The following ZNF385B variants were observed in gnomAD, a reference collection of about 807,000 sequenced individuals.
ZNF385B encodes zinc finger protein 385B.
Under a neutral mutation model 39.2 loss-of-function variants are expected in ZNF385B, and 23 were observed. The ratio of observed to expected loss-of-function variants is 0.59; its 90% CI spans 0.42 to 0.83. ZNF385B has a LOEUF of 0.83. Among genes scored for constraint, ZNF385B ranks in the 40% least tolerant of loss-of-function variants. The probability of loss-of-function intolerance (pLI) is 0.00; values close to 1 mark genes in which losing one functional copy is unlikely to be tolerated. For missense variants in ZNF385B, 552 were observed against 598.9 expected (o/e 0.92, Z 0.82); for synonymous variants, 205 against 222.6 (o/e 0.92, Z 0.70).
chr2:179,696,710 A>C (rs558282589), intron 3 of ZNF385B, among the ~76,000 whole-genome samples: 1 of 152,232 alleles, frequency 6.6e-6, no homozygotes, highest in East Asian at 1.9e-4. Context: ...CTTTTCAAGA[A>C]CTTTGCATTT....
chr2:179,540,575 T>C (rs2059858106), intron 4 of ZNF385B, among the ~76,000 whole-genome samples: 1 of 152,142 alleles, frequency 6.6e-6, no homozygotes. Context: ...AAGGGACTCA[T>C]AAATGTTATT....
chr2:179,732,473 A>T (rs1575374790), intron 3 of ZNF385B, among the ~76,000 whole-genome samples: 1 of 152,332 alleles, frequency 6.6e-6, no homozygotes, highest in Non-Finnish European at 1.5e-5. Context: ...AGTCCAGCCA[A>T]TTTGGACCAA....
At chr2:179,638,828 GAAAC>G (rs1340074843) in intron 3 of ZNF385B, among the ~76,000 whole-genome samples, 1 of 152,108 alleles carries the variant, frequency 6.6e-6, no homozygotes, top group Non-Finnish European at 1.5e-5. Flanking sequence ...AAGTTGAAAA[GAAAC>G]AAGCCAACTC....
chr2:179,520,032 T>C (rs1407278408), intron 4 of ZNF385B, among the ~76,000 whole-genome samples: 2 of 152,150 alleles, frequency 1.3e-5, no homozygotes, highest in African/African-American at 4.8e-5. Flanking sequence ...TTTGGGACAC[T>C]TAAAAATTTT....
Position 179,545,700 on chromosome 2 carries a change from C to T in ZNF385B, c.299-731G>A, listed in dbSNP as rs1462191853. ...TTATTGTAGCAAATATCCTTTTTAG[C>T]AGTTAAATTAACTGTCACCTCTATT... On this transcript the variant is annotated intron_variant, in intron 3 of 9. Transcript: ENST00000410066. 2.0e-5 allele frequency among the ~76,000 whole-genome samples: 3 copies of T among 152,238 alleles called. No homozygotes were observed. In the South Asian group the frequency reaches 6.2e-4, roughly 32 times the overall value.
intron 3 of ZNF385B, among the ~76,000 whole-genome samples, chr2:179,762,878 G>A (rs1279862311): frequency 6.6e-6 from 1 of 152,004 alleles, no homozygotes; most frequent in East Asian, 1.9e-4. Context: ...ATGGCTATAG[G>A]CCTATTCAGA....
intron 3 of ZNF385B, among the ~76,000 whole-genome samples, chr2:179,652,371 T>C (rs982435691): frequency 6.6e-6 from 1 of 152,188 alleles, no homozygotes; most frequent in Non-Finnish European, 1.5e-5. Flanking sequence ...GTGTTAACAC[T>C]GTGACTGAAT....
At chr2:179,788,118 A>T (rs920194002) in intron 1 of ZNF385B, among the ~76,000 whole-genome samples, 2 of 152,138 alleles carry the variant, frequency 1.3e-5, no homozygotes, top group Admixed American at 6.6e-5. Context: ...CACTAACGTG[A>T]TTTTCATTCT....
intron 1 of ZNF385B, among the ~76,000 whole-genome samples, chr2:179,791,970 C>A (rs954917094): frequency 1.1e-4 from 17 of 152,268 alleles, no homozygotes; most frequent in Non-Finnish European, 1.8e-4. Context: ...CCATGTTGGC[C>A]AGGCTGGTCT....
chr2:179,606,714 C>A (rs770128280), intron 3 of ZNF385B, among the ~76,000 whole-genome samples: 1 of 151,966 alleles, frequency 6.6e-6, no homozygotes, highest in African/African-American at 2.4e-5. Context: ...ATTATAAAAG[C>A]AGTACAGCTT....
chr2:179,826,874 T>C (rs1021724300), intron 1 of ZNF385B, among the ~76,000 whole-genome samples: 7 of 152,158 alleles, frequency 4.6e-5, no homozygotes, highest in African/African-American at 7.2e-5. Flanking sequence ...CCAGTTGACT[T>C]TGGTGTCTGT....
chr2:179,699,455 A>G (rs929834548), intron 3 of ZNF385B, among the ~76,000 whole-genome samples: 2 of 152,246 alleles, frequency 1.3e-5, no homozygotes, highest in Non-Finnish European at 2.9e-5. Context: ...CTAGTGACAC[A>G]CGCCATTTGT....
chr2:179,444,738 CT>C, intron 9 of ZNF385B, 137 bp downstream of exon 9: 1 of 735,656 alleles, frequency 1.4e-6, no homozygotes, highest in Non-Finnish European at 2.4e-6. Context: ...GCAGTTCATT[CT>C]AAAACTTCTG....
At chr2:179,719,596 G>A (rs1700553644) in intron 3 of ZNF385B, among the ~76,000 whole-genome samples, 3 of 152,188 alleles carry the variant, frequency 2.0e-5, no homozygotes, top group Admixed American at 1.3e-4. Context: ...CAGTGGTTTG[G>A]ATTCAGACTA....
chr2:179,641,220 C>T (rs1172221357), intron 3 of ZNF385B, among the ~76,000 whole-genome samples: 1 of 151,910 alleles, frequency 6.6e-6, no homozygotes, highest in Non-Finnish European at 1.5e-5. Flanking sequence ...GTTTTATAGT[C>T]TTCAATCATA....
chr2:179,829,541 T>A (rs1241463298), intron 1 of ZNF385B, among the ~76,000 whole-genome samples: 4 of 151,758 alleles, frequency 2.6e-5, no homozygotes, highest in Non-Finnish European at 5.9e-5. Flanking sequence ...TGAGACAGGG[T>A]CTTGCTCTGT....
intron 3 of ZNF385B, among the ~76,000 whole-genome samples, chr2:179,559,657 A>T (rs959171515): frequency 6.6e-6 from 1 of 152,068 alleles, no homozygotes; most frequent in African/African-American, 2.4e-5. Flanking sequence ...TTTTAATATC[A>T]TATAAAATTT....
intron 1 of ZNF385B, among the ~76,000 whole-genome samples, chr2:179,803,816 A>G (rs1030407389): frequency 6.6e-6 from 1 of 152,200 alleles, no homozygotes; most frequent in Non-Finnish European, 1.5e-5. Context: ...GCTAAGAACT[A>G]AATATCCAAC....
chr2:179,647,514 A>G (rs1252311364), intron 3 of ZNF385B, among the ~76,000 whole-genome samples: 1 of 152,152 alleles, frequency 6.6e-6, no homozygotes, highest in Non-Finnish European at 1.5e-5. Flanking sequence ...AAGTGACAAA[A>G]GAGGACCACA....
Sources: gnomAD v4.1 joint callset for allele counts (sites outside exome capture counted in the v4.1 genomes callset) on GRCh38, gnomAD v4.1.1 for gene constraint, MANE v1.5 for transcripts, NCBI Gene and HGNC (gene_info 2026-07-23, HGNC 2026-07-21) for gene names.